DOK4: variants seen among roughly 807,000 people sequenced by gnomAD.
The protein encoded by DOK4 is docking protein 4.
Under a neutral mutation model 40.1 loss-of-function variants are expected in DOK4, and 26 were observed. The observed-to-expected ratio is 0.65, with a 90% CI of 0.48 to 0.90. The LOEUF is 0.90. Ranked by LOEUF, DOK4 falls within the 40% of genes least tolerant of loss-of-function variation. The pLI is 0.00. For synonymous variants in DOK4, 179 were observed against 177.0 expected (o/e 1.01, Z -0.09); for missense variants, 392 against 437.2 (o/e 0.90, Z 0.92).
At chr16:57,476,158 AT>A in intron 2 of DOK4, 1 of 580,214 alleles carries the variant, frequency 1.7e-6, no homozygotes, top group Non-Finnish European at 3.1e-6. Context: ...TTGAAAAGTC[AT>A]TGACTTCTTG....
At chr16:57,475,792 C>T in intron 3 of DOK4, 58 bp downstream of exon 3, 1 of 1,482,018 alleles carries the variant, frequency 6.7e-7, no homozygotes, top group Non-Finnish European at 9.3e-7. Flanking sequence ...CTCCCTCTCT[C>T]TCTCTCCATC....
intron 2 of DOK4, among the ~76,000 whole-genome samples, chr16:57,476,918 G>A (rs1457287247): frequency 3.9e-5 from 6 of 152,222 alleles, no homozygotes; most frequent in Non-Finnish European, 7.4e-5. Context: ...GTTGGCCCCA[G>A]CCACCAGCCA....
In DOK4 at chr16:57,474,143, C is replaced by A. The variant is rs1444381900; in HGVS notation, c.600-104G>T. The A allele has an allele frequency of 2.6e-6, 4 of 1,517,348 alleles. No individual in the cohort carries two copies. In the South Asian group the frequency reaches 5.0e-5, roughly 19 times the overall value. The allele number at this position is 1,517,348 out of a possible 1,614,324, so 94.0% of individuals were successfully genotyped here. A position where few individuals can be genotyped will look rare whatever the true frequency, so the allele number is the denominator to read the frequency against. ...TGCAAGTTGTGGTTGCATTCCAGGCCGGGAGGACAGGTAGGGCTGTGGTCT... is the reference window on the plus strand; with the variant it reads ...TGCAAGTTGTGGTTGCATTCCAGGCAGGGAGGACAGGTAGGGCTGTGGTCT... On this transcript the variant is annotated intron_variant, in intron 6 of 8. Coordinates refer to ENST00000340099, the Ensembl canonical transcript of DOK4.
intron 1 of DOK4, among the ~76,000 whole-genome samples, chr16:57,484,768 C>T (rs2031501595): frequency 6.6e-6 from 1 of 152,340 alleles, no homozygotes; most frequent in East Asian, 1.9e-4. Flanking sequence ...TGACTACCCT[C>T]ACCAAAGGAC....
chr16:57,475,965 GC>G lies in DOK4; in HGVS notation c.67-9del. The G allele has an allele frequency of 6.2e-7, 1 of 1,610,470 alleles. No homozygotes were observed. Among genetic ancestry groups the G allele is most frequent in the East Asian group, 2.2e-5 (1 of 44,720 alleles). On this transcript the variant is annotated splice_polypyrimidine_tract_variant and intron_variant, in intron 2 of 8. Coordinates refer to ENST00000340099, the Ensembl canonical transcript of DOK4. Reference sequence around the variant, plus strand: ...CCAGCACCTCCGGTAGATCTGTGGAGCGAGATGACAGGGCTCAGGCCTCCCT... The same window carrying G: ...CCAGCACCTCCGGTAGATCTGTGGAGGAGATGACAGGGCTCAGGCCTCCCT...
At chr16:57,473,641 C>G in exon 8 of DOK4, 1 of 1,614,252 alleles carries the variant, frequency 6.2e-7, no homozygotes. Flanking sequence ...CGGCGATGTT[C>G]TGGGAACCAG....
chr16:57,473,048 C>CAT, exon 9 of DOK4: 1 of 292,716 alleles, frequency 3.4e-6, no homozygotes, highest in Admixed American at 4.7e-5. Context: ...GTGGCCTGGT[C>CAT]ATGGGATTAA....
chr16:57,473,715 G>A (rs1284844754), exon 8 of DOK4: 2 of 1,612,766 alleles, frequency 1.2e-6, no homozygotes, highest in African/African-American at 2.7e-5. Context: ...TACGAGTAAT[G>A]TTCCGTGCCC....
At chr16:57,474,731 G>A in intron 6 of DOK4, 62 bp downstream of exon 6, 1 of 1,578,724 alleles carries the variant, frequency 6.3e-7, no homozygotes, top group Admixed American at 1.8e-5. Context: ...GCCCAACACA[G>A]AGTGAATGGC....
chr16:57,473,401 A>C, exon 9 of DOK4: 1 of 1,613,976 alleles, frequency 6.2e-7, no homozygotes, highest in Non-Finnish European at 8.5e-7. Flanking sequence ...TCTTGGCCTC[A>C]CTGCTGTCCC....
rs375262491 is a variant in DOK4 at position 57,473,464 on chromosome 16, C to G, written c.894G>C (p.Ser298=). The change falls in exon 9 of 9, where the codon TCG becomes TCC. Residue 298 remains serine (S), a synonymous_variant. Transcript: ENST00000340099. Reference sequence around the variant, plus strand: ...TGAATCTGTTGAGGAGGTCTGTTTCCGAGCTGGCCTGGGCTGCCCCATACC... The same window carrying G: ...TGAATCTGTTGAGGAGGTCTGTTTCGGAGCTGGCCTGGGCTGCCCCATACC... 3 of 1,614,064 alleles carry G rather than the reference C, an allele frequency of 1.9e-6. No homozygotes were observed. The Admixed American group carries it at 5.0e-5, about 27-fold the overall frequency.
At position 57,473,918 on chromosome 16, in the gene DOK4, T is replaced by C. The variant is rs773940461; in HGVS notation, c.721A>G (p.Met241Val). The change falls in exon 7 of 9, where the codon ATG (methionine) becomes GTG (valine). Residue 241 changes from methionine (M) to valine (V), a missense_variant. Physicochemically the swap from Met to Val is conservative, Grantham distance 21 (BLOSUM62 1). Transcript: ENST00000340099. ...TGCCTCACCCTCACGTTCTTCTCCA[T>C]TTCCAGCAGGACCCGCTTGTGCTGC... The C allele has an allele frequency of 1.2e-5, 18 of 1,564,842 alleles. No homozygotes were observed. The Admixed American group carries it at 2.7e-4, about 24-fold the overall frequency.
In DOK4 at chr16:57,485,975, T is replaced by C. The variant is rs2031528011; in HGVS notation, c.-182+330A>G. On this transcript the variant is annotated intron_variant, in intron 1 of 8. Transcript: ENST00000340099. The surrounding 1 kb of genome is among the most constrained non-coding windows in gnomAD (Gnocchi z 4.3). The stretch of plus-strand genomic sequence containing the variant: ...TTGGGAGCTGCCAGGGGCTGGGTTA[T>C]GCCCCTTCCGGGGGGGCAGGCCCGG... Among the ~76,000 whole-genome samples, 1 of 152,056 alleles carries C rather than the reference T, an allele frequency of 6.6e-6. No homozygotes were observed. The highest frequency in any genetic ancestry group is 1.5e-5 in the Non-Finnish European group (1 of 68,000).
chr16:57,479,744 G>A lies in DOK4; in HGVS notation c.-181-56C>T, dbSNP rs531892465. On this transcript the variant is annotated intron_variant, in intron 1 of 8. Transcript: ENST00000340099. This position sits in a 1 kb window ranked among gnomAD's most constrained non-coding sequence, Gnocchi z 5.8. Reference sequence around the variant, plus strand: ...ACAGTGACATCTTTCTCTTCCTCTCGCTGTCTCGCTCTCTTTTTTCCTTCC... The same window carrying A: ...ACAGTGACATCTTTCTCTTCCTCTCACTGTCTCGCTCTCTTTTTTCCTTCC... 8.9e-6 allele frequency: 4 copies of A among 449,790 alleles called. No individual in the cohort carries two copies. Among genetic ancestry groups the A allele is most frequent in the African/African-American group, 4.1e-5 (2 of 49,272 alleles). 27.9% of individuals were successfully genotyped at this position (449,790 alleles called of 1,614,324 possible). A position where few individuals can be genotyped will look rare whatever the true frequency, so the allele number is the denominator to read the frequency against.
At position 57,485,268 on chromosome 16, in the gene DOK4, A is replaced by G. The variant is rs1322915222; in HGVS notation, c.-182+1037T>C. ...AGGCCAGGCCTAGTTGGGCGGCCCC[A>G]CCTTGGCCAGGGTTGTGGGGTGAGG... On this transcript the variant is annotated intron_variant, in intron 1 of 8. Coordinates refer to ENST00000340099, the Ensembl canonical transcript of DOK4. This position sits in a 1 kb window ranked among gnomAD's most constrained non-coding sequence, Gnocchi z 4.3. Among the ~76,000 whole-genome samples, 1 of 152,202 alleles carries G rather than the reference A, an allele frequency of 6.6e-6. No homozygotes were observed. Among genetic ancestry groups the G allele is most frequent in the Non-Finnish European group, 1.5e-5 (1 of 68,016 alleles).
chr16:57,482,193 G>C (rs575213025), intron 1 of DOK4, among the ~76,000 whole-genome samples: 20 of 149,420 alleles, frequency 1.3e-4, no homozygotes, highest in Admixed American at 1.2e-3. Context: ...ACAGTGTCCT[G>C]CTCTGTCACC....
chr16:57,481,021 A>C (rs895618778), intron 1 of DOK4, among the ~76,000 whole-genome samples: 7 of 152,108 alleles, frequency 4.6e-5, no homozygotes, highest in Non-Finnish European at 1.0e-4. Context: ...TTATGCCAGC[A>C]ATGTGGCCCC....
chr16:57,479,103 G>A lies in DOK4; in HGVS notation c.66+339C>T, dbSNP rs1357206509. Among the ~76,000 whole-genome samples the A allele has an allele frequency of 9.2e-5, 14 of 152,186 alleles. No individual in the cohort carries two copies. Among genetic ancestry groups the A allele is most frequent in the African/African-American group, 3.1e-4 (13 of 41,440 alleles). On this transcript the variant is annotated intron_variant, in intron 2 of 8. Transcript: ENST00000340099. The surrounding 1 kb of genome is among the most constrained non-coding windows in gnomAD (Gnocchi z 5.8). ...CTGCTTCTCAGCTCAGACACAGCCC[G>A]GCCTTGCCAGCCGCCCCTGCTGCTG...
chr16:57,474,836 G>A (rs745316420), exon 6 of DOK4: 20 of 1,614,150 alleles, frequency 1.2e-5, no homozygotes, highest in South Asian at 2.2e-5. Flanking sequence ...CGGCCATAGC[G>A]GCGCAGTGAG....
Sources: allele counts gnomAD v4.1 joint callset (sites outside exome capture counted in the v4.1 genomes callset), GRCh38; gene constraint gnomAD v4.1.1; non-coding constraint Gnocchi (gnomAD v3.1); transcripts MANE v1.5; gene names NCBI Gene and HGNC (gene_info 2026-07-23, HGNC 2026-07-21).